CDH18: variants seen among roughly 807,000 people sequenced by gnomAD.
CDH18 encodes the protein cadherin 18, also known as cadherin-18.
Under a neutral mutation model 67.9 loss-of-function variants are expected in CDH18, and 31 were observed. That is an observed-to-expected ratio of 0.46 (90% CI 0.34 to 0.62). The LOEUF (loss-of-function observed/expected upper bound fraction) is 0.62. Ranked by LOEUF, CDH18 falls within the 20% of genes least tolerant of loss-of-function variation. CDH18 has a pLI of 0.01. For missense variants in CDH18, 890 were observed against 975.5 expected, an observed-to-expected ratio of 0.91 and a Z score of 1.17; for synonymous variants, 362 against 347.2, an observed-to-expected ratio of 1.04 and a Z score of -0.48.
At chr5:20,422,164 T>C (rs1055860557) in intron 1 of CDH18, among the ~76,000 whole-genome samples, 18 of 150,762 alleles carry the variant, frequency 1.2e-4, no homozygotes, top group Admixed American at 1.3e-4. Flanking sequence ...TCCAAATGTA[T>C]CTACATATTT....
chr5:20,262,582 T>C (rs1744734295), intron 1 of CDH18, among the ~76,000 whole-genome samples: 1 of 152,048 alleles, frequency 6.6e-6, no homozygotes, highest in South Asian at 2.1e-4. Flanking sequence ...TGAGAGACTG[T>C]CAGGGGTGTT....
intron 1 of CDH18, among the ~76,000 whole-genome samples, chr5:20,379,925 A>G (rs1193400385): frequency 6.6e-6 from 1 of 152,046 alleles, no homozygotes; most frequent in African/African-American, 2.4e-5. Context: ...CTAGATAGAC[A>G]CTAAAAAAAC....
At chr5:19,672,396 TTAACAA>T (rs1373786759) in intron 5 of CDH18, among the ~76,000 whole-genome samples, 1 of 152,124 alleles carries the variant, frequency 6.6e-6, no homozygotes, top group African/African-American at 2.4e-5. Context: ...ACTTAGTAAA[TTAACAA>T]TAACAGTTTT....
chr5:20,502,987 G>A (rs1404460931), intron 1 of CDH18, among the ~76,000 whole-genome samples: 1 of 136,722 alleles, frequency 7.3e-6, no homozygotes, highest in Non-Finnish European at 1.6e-5. Context: ...AAAGGTCAAT[G>A]CTAGCCTGAA....
In CDH18 at chr5:19,527,498, T is replaced by C. The variant is rs1747920810; in HGVS notation, c.1391-6720A>G. 2.6e-5 allele frequency among the ~76,000 whole-genome samples: 4 copies of C among 151,792 alleles called. No homozygotes were observed. The South Asian group carries it at 8.3e-4, about 31-fold the overall frequency. ...ATATTGTATTCAAAATAATTTGCTA[T>C]AATTTATATGAAAGGTGTATATCAT... On this transcript the variant is annotated intron_variant, in intron 9 of 12. Transcript: ENST00000382275.
chr5:19,840,115 A>T (rs912476009), intron 2 of CDH18, among the ~76,000 whole-genome samples: 6 of 150,686 alleles, frequency 4.0e-5, no homozygotes, highest in South Asian at 2.1e-4. Context: ...AATAAAAAAA[A>T]AAATGAGCCG....
At chr5:20,470,820 C>A (rs62355175) in intron 1 of CDH18, among the ~76,000 whole-genome samples, 1 of 152,152 alleles carries the variant, frequency 6.6e-6, no homozygotes, top group Non-Finnish European at 1.5e-5. Context: ...GCACTGTATG[C>A]GCCAAGCTAT....
intron 5 of CDH18, among the ~76,000 whole-genome samples, chr5:19,657,149 A>G (rs1756519383): frequency 6.6e-6 from 1 of 151,868 alleles, no homozygotes; most frequent in South Asian, 2.1e-4. Context: ...TTAAACTTGT[A>G]CTCTCTTGTG....
intron 2 of CDH18, among the ~76,000 whole-genome samples, chr5:19,955,558 T>C (rs965748768): frequency 9.9e-5 from 15 of 152,230 alleles, no homozygotes; most frequent in East Asian, 1.9e-4. Flanking sequence ...AGTTAAAAGA[T>C]AAGTGCTGCT....
chr5:20,514,129 C>T (rs1223542451), intron 1 of CDH18, among the ~76,000 whole-genome samples: 6 of 152,176 alleles, frequency 3.9e-5, no homozygotes, highest in Non-Finnish European at 5.9e-5. Context: ...TTTTAATCTG[C>T]ATATAGACCT....
rs142787618 is a variant in CDH18, at chr5:20,238,975, G to A, written c.-518+16469C>T. The stretch of plus-strand genomic sequence containing the variant: ...ATACCTCTTGATAGATACATGCTAA[G>A]AAAACTATGCTCCAATTAAACTGTG... On this transcript the variant is annotated intron_variant, in intron 2 of 14. Transcript: ENST00000507958. Among the ~76,000 whole-genome samples the A allele has an allele frequency of 1.4e-3, 219 of 152,224 alleles. 1 individual carries two copies. The highest frequency in any genetic ancestry group is 5.1e-3 in the African/African-American group (210 of 41,536).
At chr5:20,250,208 A>ATTTTG (rs898308124) in intron 2 of CDH18, among the ~76,000 whole-genome samples, 1 of 152,034 alleles carries the variant, frequency 6.6e-6, no homozygotes, top group African/African-American at 2.4e-5. Context: ...TTTCTTCCAC[A>ATTTTG]TTTTGTTTTG....
Position 19,571,712 on chromosome 5 carries a change from C to A in CDH18, c.1120G>T (p.Val374Phe), listed in dbSNP as rs1287507809. Reference sequence around the variant, plus strand: ...AGTGGTGGTTCATCTACATCCCCAACAATGATCTTCAGCATAGTAGCATCT... The same window carrying A: ...AGTGGTGGTTCATCTACATCCCCAAAAATGATCTTCAGCATAGTAGCATCT... ...FKDATMLKIIVGDVDEPPLFS... is the reference protein window; with the variant it reads ...FKDATMLKIIFGDVDEPPLFS... Residue 374 changes from valine (V) to phenylalanine (F), a missense_variant, in exon 8 of 13, where the codon GTT becomes TTT. Around this residue, in one of 2 missense-constraint regions of CDH18, gnomAD observed 656 missense variants for 668.1 expected, o/e 0.98. Transcript: ENST00000382275. The A allele has an allele frequency of 5.6e-6, 9 of 1,613,942 alleles. No homozygotes were observed. The highest frequency in any genetic ancestry group is 7.6e-6 in the Non-Finnish European group (9 of 1,179,928).
At chr5:19,849,841 C>T (rs1184777096) in intron 2 of CDH18, among the ~76,000 whole-genome samples, 3 of 150,636 alleles carry the variant, frequency 2.0e-5, no homozygotes, top group Non-Finnish European at 4.4e-5. Context: ...ATTCCATATA[C>T]TCCACTAGAT....
chr5:19,595,872 C>T (rs555876256), intron 6 of CDH18, among the ~76,000 whole-genome samples: 1 of 152,292 alleles, frequency 6.6e-6, no homozygotes, highest in South Asian at 2.1e-4. Context: ...ATTGTATGTT[C>T]AACCAACATA....
At chr5:19,689,880 A>G (rs1413697634) in intron 5 of CDH18, among the ~76,000 whole-genome samples, 3 of 151,752 alleles carry the variant, frequency 2.0e-5, no homozygotes, top group African/African-American at 7.2e-5. Flanking sequence ...AATTCACTTC[A>G]CCTGTAGACA....
At chr5:20,177,165 C>A (rs1340860790) in intron 2 of CDH18, among the ~76,000 whole-genome samples, 1 of 152,002 alleles carries the variant, frequency 6.6e-6, no homozygotes, top group African/African-American at 2.4e-5. Flanking sequence ...AGGTTGTTTT[C>A]CTCTATGGTT....
intron 1 of CDH18, among the ~76,000 whole-genome samples, chr5:20,287,661 A>C (rs1446081799): frequency 2.0e-5 from 3 of 151,830 alleles, no homozygotes; most frequent in African/African-American, 7.2e-5. Context: ...TTGAATCATG[A>C]TGAGCTGATA....
Position 19,521,700 on chromosome 5 carries a change from T to C in CDH18, c.1391-922A>G, listed in dbSNP as rs1007135602. Among the ~76,000 whole-genome samples, 29 of 124,614 alleles carry C rather than the reference T, an allele frequency of 2.3e-4. No homozygotes were observed. The East Asian group carries it at 3.0e-3, about 13-fold the overall frequency. 81.8% of individuals were successfully genotyped at this position (124,614 alleles called of 152,430 possible). A position where few individuals can be genotyped will look rare whatever the true frequency, so the allele number is the denominator to read the frequency against. On this transcript the variant is annotated intron_variant, in intron 9 of 12. Coordinates refer to ENST00000382275, the MANE Select transcript of CDH18 (RefSeq NM_004934.5). ...GTAAGAAAATAGATGGGTTAAAAAG[T>C]GTCAAGTAGCTCTAAAATAAATAGA...
Sources: gnomAD v4.1 joint callset for allele counts (sites outside exome capture counted in the v4.1 genomes callset) on GRCh38, gnomAD v4.1.1 for gene constraint, gnomAD v4.1.1 regional missense constraint, MANE v1.5 for transcripts, NCBI Gene and HGNC (gene_info 2026-07-23, HGNC 2026-07-21) for gene names.